The following GPR158 variants were observed in gnomAD, a reference collection of about 807,000 sequenced individuals.
GPR158 encodes metabotropic glycine receptor.
Under a neutral mutation model 78.2 loss-of-function variants are expected in GPR158, and 30 were observed. The observed-to-expected ratio is 0.38, with a 90% confidence interval of 0.29 to 0.52. The LOEUF (loss-of-function observed/expected upper bound fraction) is 0.52. Among genes scored for constraint, GPR158 ranks in the 20% least tolerant of loss-of-function variants. GPR158 has a pLI of 0.83. For synonymous variants in GPR158, 581 were observed against 591.1 expected, an observed-to-expected ratio of 0.98 and a Z score of 0.25; for missense variants, 1,463 against 1,523.5, an observed-to-expected ratio of 0.96 and a Z score of 0.66.
chr10:25,565,789 G>A (rs976459405), intron 6 of GPR158, among the ~76,000 whole-genome samples: 7 of 152,176 alleles, frequency 4.6e-5, no homozygotes, highest in Admixed American at 2.6e-4. Flanking sequence ...CCAAAGAACT[G>A]GTGTGGCGGC....
chr10:25,497,581 G>T (rs1359188561), intron 5 of GPR158, among the ~76,000 whole-genome samples: 1 of 152,022 alleles, frequency 6.6e-6, no homozygotes, highest in African/African-American at 2.4e-5. Flanking sequence ...CAAAAGATAG[G>T]ACTCTTCAGG....
rs185806846 is a variant in GPR158, at chr10:25,501,458, T to G, written c.1404+34739T>G. 1.9e-3 allele frequency among the ~76,000 whole-genome samples: 288 copies of G among 152,366 alleles called. 1 individual carries two copies. Among genetic ancestry groups the G allele is most frequent in the African/African-American group, 6.6e-3 (276 of 41,592 alleles). On this transcript the variant is annotated intron_variant, in intron 5 of 10. Coordinates refer to ENST00000376351, the MANE Select transcript of GPR158 (RefSeq NM_020752.3). The stretch of plus-strand genomic sequence containing the variant: ...TGTTTACTCATGTATTGTCTTTCTC[T>G]TACTAACTTACAATTTGCACTAAGG...
At chr10:25,547,682 A>C (rs1588907296) in intron 5 of GPR158, among the ~76,000 whole-genome samples, 1 of 152,276 alleles carries the variant, frequency 6.6e-6, no homozygotes, top group East Asian at 1.9e-4. Flanking sequence ...GGATGACATC[A>C]TTGTTCTTAT....
chr10:25,581,073 C>T (rs1837190925), intron 7 of GPR158, among the ~76,000 whole-genome samples: 3 of 150,698 alleles, frequency 2.0e-5, no homozygotes, highest in South Asian at 2.1e-4. Context: ...TACAGGCGCC[C>T]GCCACCGCGC....
chr10:25,183,702 A>G (rs1402252684), intron 1 of GPR158, among the ~76,000 whole-genome samples: 1 of 152,240 alleles, frequency 6.6e-6, no homozygotes, highest in East Asian at 1.9e-4. Flanking sequence ...CCGATTGGCA[A>G]AGTACCCACT....
At position 25,478,686 on chromosome 10, in the gene GPR158, G is replaced by A. The variant is rs536218942; in HGVS notation, c.1404+11967G>A. 1.4e-3 allele frequency among the ~76,000 whole-genome samples: 207 copies of A among 151,960 alleles called. 1 individual carries two copies. Among genetic ancestry groups the A allele is most frequent in the Non-Finnish European group, 2.0e-3 (137 of 67,962 alleles). Reference sequence around the variant, plus strand: ...ATACTTTAAGTTCTAGGGTACATGTGCACAGTGTGCAGGTTTGTTACGTAT... The same window carrying A: ...ATACTTTAAGTTCTAGGGTACATGTACACAGTGTGCAGGTTTGTTACGTAT... On this transcript the variant is annotated intron_variant, in intron 5 of 10. Transcript: ENST00000376351.
At chr10:25,353,642 G>T (rs1855506148) in intron 2 of GPR158, among the ~76,000 whole-genome samples, 1 of 152,026 alleles carries the variant, frequency 6.6e-6, no homozygotes, top group African/African-American at 2.4e-5. Flanking sequence ...TTCCTCTGCA[G>T]AGCGGCTAAA....
Position 25,175,977 on chromosome 10 carries a change from C to T in GPR158, c.557C>T (p.Pro186Leu), listed in dbSNP as rs1228252841. 2 of 1,613,234 alleles carry T rather than the reference C, an allele frequency of 1.2e-6. No individual in the cohort carries two copies. Among genetic ancestry groups the T allele is most frequent in the East Asian group, 2.2e-5 (1 of 44,856 alleles). The change falls in exon 1 of 11, where the codon CCG (proline) becomes CTG (leucine). Residue 186 changes from proline to leucine, a missense_variant. Pro to Leu is a moderately conservative substitution (Grantham distance 98). Coordinates refer to ENST00000376351, the MANE Select transcript of GPR158 (RefSeq NM_020752.3). This position sits in a 1 kb window ranked among gnomAD's most constrained non-coding sequence, Gnocchi z 6.4. The part of the protein sequence containing the change: ...ITFSTDSLSA[P>L]APQVFLQATR... ...TTCAGCACCGATTCGCTGTCCGCAC[C>T]GGCCCCACAGGTCTTCCTCCAGGCC...
At chr10:25,579,915 T>C (rs574085771) in intron 7 of GPR158, among the ~76,000 whole-genome samples, 4 of 152,236 alleles carry the variant, frequency 2.6e-5, no homozygotes, top group Admixed American at 1.3e-4. Context: ...ATCACTGATA[T>C]AGCCTAACTC....
chr10:25,333,740 T>C (rs1396836216), intron 2 of GPR158, among the ~76,000 whole-genome samples: 1 of 152,216 alleles, frequency 6.6e-6, no homozygotes, highest in Non-Finnish European at 1.5e-5. Flanking sequence ...AGCAGTTGTC[T>C]ACCAATATTA....
At chr10:25,372,577 A>C (rs967729593) in intron 2 of GPR158, among the ~76,000 whole-genome samples, 21 of 147,666 alleles carry the variant, frequency 1.4e-4, no homozygotes, top group Non-Finnish European at 4.5e-5. Context: ...ACGAAATTGG[A>C]AATCACCATT....
At chr10:25,331,047 A>G (rs1374804701) in intron 2 of GPR158, among the ~76,000 whole-genome samples, 1 of 152,150 alleles carries the variant, frequency 6.6e-6, no homozygotes, top group East Asian at 1.9e-4. Context: ...AGCAATGCTC[A>G]TGGCTCTGCC....
At chr10:25,539,356 G>T (rs1836543609) in intron 5 of GPR158, among the ~76,000 whole-genome samples, 2 of 152,084 alleles carry the variant, frequency 1.3e-5, no homozygotes, top group African/African-American at 4.8e-5. Flanking sequence ...GTTATGTGTG[G>T]GGGGTTTAGA....
intron 4 of GPR158, among the ~76,000 whole-genome samples, chr10:25,431,973 G>A (rs1834915464): frequency 6.8e-6 from 1 of 147,312 alleles, no homozygotes; most frequent in Non-Finnish European, 1.5e-5. Context: ...TGCACATTGT[G>A]CACATGTACC....
chr10:25,362,380 A>C (rs34166530), intron 2 of GPR158, among the ~76,000 whole-genome samples: 20,929 of 151,868 alleles, frequency 0.14, 1,723 homozygotes, highest in African/African-American at 0.23. Context: ...TTTTGAAATC[A>C]GGAAGTATGA....
chr10:25,458,122 G>T (rs996612480), intron 4 of GPR158, among the ~76,000 whole-genome samples: 11 of 151,806 alleles, frequency 7.2e-5, no homozygotes, highest in African/African-American at 2.7e-4. Context: ...TTTATTTTTT[G>T]ATAAACTTAC....
intron 2 of GPR158, among the ~76,000 whole-genome samples, chr10:25,222,408 C>T (rs1043367922): frequency 6.6e-6 from 1 of 151,100 alleles, no homozygotes; most frequent in African/African-American, 2.4e-5. Context: ...CCCACTTCAT[C>T]AATACATTCC....
chr10:25,451,754 TGG>T (rs1341021438), intron 4 of GPR158, among the ~76,000 whole-genome samples: 4 of 152,204 alleles, frequency 2.6e-5, no homozygotes, highest in Non-Finnish European at 5.9e-5. Context: ...ATGTGTTTTG[TGG>T]GGTTAATAAG....
chr10:25,405,750 A>G (rs1834506653), intron 3 of GPR158, among the ~76,000 whole-genome samples: 1 of 151,948 alleles, frequency 6.6e-6, no homozygotes, highest in African/African-American at 2.4e-5. Flanking sequence ...TCTCTACTAT[A>G]TTTAACAAAT....
Sources: gnomAD v4.1 joint callset for allele counts (sites outside exome capture counted in the v4.1 genomes callset) on GRCh38, gnomAD v4.1.1 for gene constraint, Gnocchi (gnomAD v3.1) non-coding constraint, MANE v1.5 for transcripts, NCBI Gene and HGNC (gene_info 2026-07-23, HGNC 2026-07-21) for gene names.